Variants in ADAMTSL1 observed in about 807,000 individuals in gnomAD.
The protein encoded by ADAMTSL1 is ADAMTS like 1.
ADAMTSL1 carries 126 observed loss-of-function variants against 201.8 expected under a neutral mutation model. The observed-to-expected ratio is 0.62, with a 90% CI of 0.54 to 0.72. ADAMTSL1 has a LOEUF of 0.72. ADAMTSL1 is among the 30% of genes least tolerant of loss of function. The pLI is 0.00. For missense variants in ADAMTSL1, 2,679 were observed against 2,277.8 expected (o/e 1.18, Z -3.59); for synonymous variants, 1,121 against 903.4 (o/e 1.24, Z -4.32).
intron 19 of ADAMTSL1, 126 bp downstream of exon 19, chr9:18,778,032 C>A (rs1821166385): frequency 1.6e-6 from 2 of 1,227,842 alleles, no homozygotes; most frequent in East Asian, 2.5e-5. Context: ...TCGGGGACCC[C>A]ATCATGGGGT....
intron 1 of ADAMTSL1, among the ~76,000 whole-genome samples, chr9:18,017,409 A>T (rs1384058228): frequency 6.6e-6 from 1 of 151,894 alleles, no homozygotes; most frequent in African/African-American, 2.4e-5. Flanking sequence ...CAGCACTGAC[A>T]GTTTGTTTTG....
rs1260728971 is a variant in ADAMTSL1 at position 18,910,439 on chromosome 9, G to A, written c.*1891G>A. 2.0e-5 allele frequency: 3 copies of A among 152,148 alleles called. No homozygotes were observed. The highest frequency in any genetic ancestry group is 7.2e-5 in the African/African-American group (3 of 41,432). 9.4% of individuals were successfully genotyped at this position (152,148 alleles called of 1,614,324 possible). A position where few individuals can be genotyped will look rare whatever the true frequency, so the allele number is the denominator to read the frequency against. On this transcript the variant is annotated 3_prime_UTR_variant, in exon 29 of 29. Transcript: ENST00000380548. ...CTGCAGTTGTGTTCCTGTAAACTCA[G>A]TAGTGATTATTATATTTTTCCTATT...
At chr9:18,720,174 A>G (rs932804374) in intron 14 of ADAMTSL1, among the ~76,000 whole-genome samples, 4 of 152,174 alleles carry the variant, frequency 2.6e-5, no homozygotes, top group African/African-American at 9.7e-5. Flanking sequence ...AGGGAAGTAG[A>G]TATGACAGCC....
intron 20 of ADAMTSL1, among the ~76,000 whole-genome samples, chr9:18,813,210 C>T (rs182574256): frequency 9.0e-4 from 137 of 152,152 alleles, no homozygotes; most frequent in African/African-American, 3.1e-3. Flanking sequence ...CATGATCCGC[C>T]GCCTCAGCCT....
At chr9:18,587,655 G>A (rs1054998670) in intron 4 of ADAMTSL1, among the ~76,000 whole-genome samples, 6 of 152,014 alleles carry the variant, frequency 3.9e-5, no homozygotes, top group Admixed American at 6.6e-5. Context: ...TCCCTTACCA[G>A]CCTCTGGTAA....
chr9:18,830,509 A>C (rs889092260), intron 23 of ADAMTSL1, among the ~76,000 whole-genome samples: 1 of 152,198 alleles, frequency 6.6e-6, no homozygotes, highest in Non-Finnish European at 1.5e-5. Context: ...TGCTGAACTA[A>C]TTTCACTAAG....
intron 15 of ADAMTSL1, among the ~76,000 whole-genome samples, chr9:18,728,388 T>C (rs1818023263): frequency 6.6e-6 from 1 of 152,148 alleles, no homozygotes; most frequent in South Asian, 2.1e-4. Flanking sequence ...AATGTCTTTA[T>C]ATAGACCGTT....
intron 23 of ADAMTSL1, among the ~76,000 whole-genome samples, chr9:18,865,409 A>G (rs1362930361): frequency 6.6e-6 from 1 of 152,134 alleles, no homozygotes; most frequent in Admixed American, 6.5e-5. Flanking sequence ...CATGGTGTAT[A>G]TGTGCCACAT....
chr9:18,852,456 C>T (rs1826555573), intron 23 of ADAMTSL1, among the ~76,000 whole-genome samples: 1 of 151,652 alleles, frequency 6.6e-6, no homozygotes, highest in Non-Finnish European at 1.5e-5. Context: ...TAAGAATGCC[C>T]TCAGAAGCCA....
At chr9:18,797,592 A>C (rs1472408066) in intron 20 of ADAMTSL1, among the ~76,000 whole-genome samples, 2 of 152,168 alleles carry the variant, frequency 1.3e-5, no homozygotes, top group Non-Finnish European at 2.9e-5. Flanking sequence ...TATAATCTGA[A>C]CATAAATTAA....
At chr9:18,048,195 T>G (rs1187954862) in intron 1 of ADAMTSL1, among the ~76,000 whole-genome samples, 2 of 152,212 alleles carry the variant, frequency 1.3e-5, no homozygotes, top group Admixed American at 6.5e-5. Context: ...CTTTGGGCTA[T>G]TCTTGAAAAA....
upstream of ADAMTSL1, among the ~76,000 whole-genome samples, chr9:18,469,981 G>A (rs1042221145): frequency 6.6e-6 from 1 of 152,172 alleles, no homozygotes; most frequent in Admixed American, 6.5e-5. Flanking sequence ...ACCCCATAGA[G>A]TTGTTGTAAG....
chr9:18,261,567 A>G (rs139222614), intron 2 of ADAMTSL1, among the ~76,000 whole-genome samples: 2 of 152,128 alleles, frequency 1.3e-5, no homozygotes, highest in South Asian at 2.1e-4. Flanking sequence ...TTTCAAGTAA[A>G]TATTTGGTTC....
chr9:18,727,334 C>T (rs1022897667), intron 15 of ADAMTSL1, among the ~76,000 whole-genome samples: 1 of 152,246 alleles, frequency 6.6e-6, no homozygotes, highest in African/African-American at 2.4e-5. Flanking sequence ...TCTGTCCACA[C>T]TAACTTTTAA....
At chr9:18,210,720 C>T (rs996671319) in intron 2 of ADAMTSL1, among the ~76,000 whole-genome samples, 98 of 151,552 alleles carry the variant, frequency 6.5e-4, no homozygotes, top group African/African-American at 2.3e-3. Flanking sequence ...CAACGAACAG[C>T]TCTGGCAGCT....
In ADAMTSL1 at chr9:17,986,750, C is replaced by A. The variant is rs1242166341; in HGVS notation, c.87+79828C>A. On this transcript the variant is annotated intron_variant, in intron 1 of 29. Coordinates refer to the ADAMTSL1 transcript ENST00000680146. ...CAGCACAATAACTTATTTTAAACTC[C>A]AGGTGTGTATGCAGTACTAGTATTT... 2.6e-5 allele frequency among the ~76,000 whole-genome samples: 4 copies of A among 152,132 alleles called. No individual in the cohort carries two copies. The South Asian group carries it at 6.2e-4, about 24-fold the overall frequency.
chr9:18,197,283 T>A (rs1430087437), intron 2 of ADAMTSL1, among the ~76,000 whole-genome samples: 1 of 152,182 alleles, frequency 6.6e-6, no homozygotes, highest in Non-Finnish European at 1.5e-5. Flanking sequence ...ATGGCCATTT[T>A]CACAAGACTG....
intron 2 of ADAMTSL1, among the ~76,000 whole-genome samples, chr9:18,169,548 G>A (rs1414600773): frequency 1.3e-5 from 2 of 152,122 alleles, no homozygotes; most frequent in East Asian, 3.9e-4. Flanking sequence ...ATAGTTTGAA[G>A]TCAGGTAGTG....
intron 1 of ADAMTSL1, among the ~76,000 whole-genome samples, chr9:18,097,159 G>C (rs1824288380): frequency 6.6e-6 from 1 of 152,118 alleles, no homozygotes; most frequent in Non-Finnish European, 1.5e-5. Context: ...ATCTCTTCTA[G>C]AGTTTCATAT....
Sources: allele counts gnomAD v4.1 joint callset (sites outside exome capture counted in the v4.1 genomes callset), GRCh38; gene constraint gnomAD v4.1.1; transcripts MANE v1.5; gene names NCBI Gene and HGNC (gene_info 2026-07-23, HGNC 2026-07-21).